SMCHD1: variants seen among roughly 807,000 people sequenced by gnomAD.
SMCHD1 encodes structural maintenance of chromosomes flexible hinge domain containing 1, also known as structural maintenance of chromosomes flexible hinge domain-containing protein 1.
SMCHD1 carries 78 observed loss-of-function variants against 254.7 expected under a neutral mutation model. The observed-to-expected ratio is 0.31, with a 90% CI of 0.26 to 0.37. The LOEUF (loss-of-function observed/expected upper bound fraction) is 0.37, where lower values mean the gene tolerates loss of function less well. Among genes scored for constraint, SMCHD1 ranks in the 10% least tolerant of loss-of-function variants. The pLI is 1.00. For synonymous variants in SMCHD1, 766 were observed against 794.9 expected, an observed-to-expected ratio of 0.96 and a Z score of 0.61; for missense variants, 1,840 against 2,408.1, an observed-to-expected ratio of 0.76 and a Z score of 4.94.
At position 2,656,248 on chromosome 18, in the gene SMCHD1, C is replaced by T; in HGVS notation, c.173C>T (p.Ala58Val). 1 of 1,501,676 alleles carries T rather than the reference C, an allele frequency of 6.7e-7. No individual in the cohort carries two copies. The highest frequency in any genetic ancestry group is 8.8e-7 in the Non-Finnish European group (1 of 1,135,326). 93.0% of individuals were successfully genotyped at this position (1,501,676 alleles called of 1,614,324 possible). A position where few individuals can be genotyped will look rare whatever the true frequency, so the allele number is the denominator to read the frequency against. ...GERSDYAGFR[A>V]CVCQTLGISP... ...CGCTCGGACTACGCGGGATTTCGCGCGTGTGTGTGTCAGGTACGCGAAGGG... is the reference window on the plus strand; with the variant it reads ...CGCTCGGACTACGCGGGATTTCGCGTGTGTGTGTGTCAGGTACGCGAAGGG... The change falls in exon 1 of 48, where the codon GCG (alanine) becomes GTG (valine). Residue 58 changes from alanine to valine, a missense_variant. This residue lies in a region of SMCHD1 where 115 missense variants were observed against 99.1 expected (regional missense o/e 1.16). Transcript: ENST00000320876.
chr18:2,765,530 A>G (rs2075851599), intron 37 of SMCHD1, among the ~76,000 whole-genome samples: 1 of 152,224 alleles, frequency 6.6e-6, no homozygotes, highest in Admixed American at 6.5e-5. Flanking sequence ...CCAGTACAGC[A>G]TTTTCATTGT....
At chr18:2,723,787 C>T (rs1273579869) in intron 20 of SMCHD1, among the ~76,000 whole-genome samples, 1 of 152,176 alleles carries the variant, frequency 6.6e-6, no homozygotes, top group Non-Finnish European at 1.5e-5. Flanking sequence ...ATCTGGAGAT[C>T]TGAGATCTAA....
intron 26 of SMCHD1, among the ~76,000 whole-genome samples, chr18:2,739,223 C>T (rs887687191): frequency 2.6e-5 from 4 of 152,248 alleles, no homozygotes; most frequent in South Asian, 4.2e-4. Context: ...AGTTTTTGGT[C>T]CATATTCTCT....
At position 2,777,790 on chromosome 18, in the gene SMCHD1, A is replaced by C. The variant is rs1282555574; in HGVS notation, c.5367-16A>C. ...TCATGTGCTTTAATATCTTTTTAAA[A>C]TTTCTTTTTATTTAGATCTCTACCT... On this transcript the variant is annotated splice_polypyrimidine_tract_variant and intron_variant, in intron 42 of 47. Transcript: ENST00000320876. The C allele has an allele frequency of 7.2e-7, 1 of 1,388,870 alleles. No homozygotes were observed. The highest frequency in any genetic ancestry group is 9.8e-7 in the Non-Finnish European group (1 of 1,024,816). The allele number at this position is 1,388,870 out of a possible 1,614,324, so 86.0% of individuals were successfully genotyped here. A position where few individuals can be genotyped will look rare whatever the true frequency, so the allele number is the denominator to read the frequency against.
rs115082677 is a variant in SMCHD1, at chr18:2,774,913, A to C, written c.5176-821A>C. Among the ~76,000 whole-genome samples the C allele has an allele frequency of 4.2e-3, 645 of 152,324 alleles. 5 individuals are homozygous for C. Among genetic ancestry groups the C allele is most frequent in the African/African-American group, 0.015 (622 of 41,566 alleles). On this transcript the variant is annotated intron_variant, in intron 41 of 47. Coordinates refer to ENST00000320876, the MANE Select transcript of SMCHD1 (RefSeq NM_015295.3). ...TTGGGTGTTCACGCACATGCGTGAG[A>C]TATGCCACCCTTGAACCTTGTTACA...
Position 2,707,816 on chromosome 18 carries a change from G to A in SMCHD1, c.2156G>A (p.Arg719Lys). 6.2e-7 allele frequency: 1 copy of A among 1,603,146 alleles called. No individual in the cohort carries two copies. Among genetic ancestry groups the A allele is most frequent in the Non-Finnish European group, 8.5e-7 (1 of 1,175,480 alleles). The change falls in exon 17 of 48, where the codon AGA becomes AAA. Residue 719 changes from arginine to lysine, a missense_variant. Arg to Lys is a conservative substitution (Grantham distance 26). Transcript: ENST00000320876. ...AATTTTTGACTCATAGGTGCGTTAAGAATTGAAATACTGAATAAAAAAGGG... is the reference window on the plus strand; with the variant it reads ...AATTTTTGACTCATAGGTGCGTTAAAAATTGAAATACTGAATAAAAAAGGG... ...RPAGTPIGAL[R>K]IEILNKKGEA...
At position 2,712,025 on chromosome 18, in the gene SMCHD1, T is replaced by G. The variant is rs1425541034; in HGVS notation, c.2260+4105T>G. On this transcript the variant is annotated intron_variant, in intron 17 of 47. Transcript: ENST00000320876. ...GAAGCAGCCTGAGGCTTTCACCAGATGCCCAGTCTTCCAGCCAGCAGAACT... is the reference window on the plus strand; with the variant it reads ...GAAGCAGCCTGAGGCTTTCACCAGAGGCCCAGTCTTCCAGCCAGCAGAACT... 2.0e-5 allele frequency among the ~76,000 whole-genome samples: 3 copies of G among 152,190 alleles called. No individual in the cohort carries two copies. In the East Asian group the frequency reaches 5.8e-4, roughly 29 times the overall value.
At chr18:2,671,788 C>T (rs368968826) in intron 3 of SMCHD1, among the ~76,000 whole-genome samples, 3 of 151,778 alleles carry the variant, frequency 2.0e-5, no homozygotes, top group East Asian at 1.9e-4. Context: ...TTAGTAGAGA[C>T]GGGGTTTCAC....
chr18:2,711,481 C>CTT (rs752950626), intron 17 of SMCHD1, among the ~76,000 whole-genome samples: 26,914 of 112,380 alleles, frequency 0.24, 4,315 homozygotes, highest in South Asian at 0.31. Context: ...GGATGTTTGT[C>CTT]TTTTTTTTTT....
intron 29 of SMCHD1, among the ~76,000 whole-genome samples, chr18:2,746,680 G>C (rs1213669865): frequency 6.6e-6 from 1 of 152,318 alleles, no homozygotes; most frequent in East Asian, 1.9e-4. Context: ...CCTCAGTTAA[G>C]AGTAGGGGGT....
chr18:2,687,178 A>G (rs2074071140), intron 5 of SMCHD1, among the ~76,000 whole-genome samples: 1 of 152,206 alleles, frequency 6.6e-6, no homozygotes, highest in African/African-American at 2.4e-5. Flanking sequence ...ATTCAACAAT[A>G]TGCACACACC....
At chr18:2,684,849 C>T (rs533351896) in intron 5 of SMCHD1, among the ~76,000 whole-genome samples, 3 of 151,984 alleles carry the variant, frequency 2.0e-5, no homozygotes, top group East Asian at 3.9e-4. Context: ...AATACTAAAC[C>T]ACTTCGCATA....
Position 2,703,905 on chromosome 18 carries a change from C to A in SMCHD1, c.1842+19C>A. On this transcript the variant is annotated intron_variant, in intron 13 of 47. Transcript: ENST00000320876. ...ACAGCTGGTAGGTTTAACTTATTGT[C>A]ACTTTTTTCTTATAATTTTTAATTT... 2.0e-6 allele frequency: 3 copies of A among 1,505,228 alleles called. No homozygotes were observed. In the South Asian group the frequency reaches 4.0e-5, roughly 20 times the overall value. 93.2% of individuals were successfully genotyped at this position (1,505,228 alleles called of 1,614,324 possible). A position where few individuals can be genotyped will look rare whatever the true frequency, so the allele number is the denominator to read the frequency against.
At chr18:2,762,492 CTTTTT>C (rs10708453) in intron 36 of SMCHD1, among the ~76,000 whole-genome samples, 3 of 126,836 alleles carry the variant, frequency 2.4e-5, no homozygotes, top group African/African-American at 2.9e-5. Context: ...ATCTGCCTAC[CTTTTT>C]TTTTTTTTTT....
chr18:2,802,660 G>T lies in SMCHD1; in HGVS notation c.*108G>T. On this transcript the variant is annotated 3_prime_UTR_variant, in exon 48 of 48. Coordinates refer to ENST00000320876, the MANE Select transcript of SMCHD1 (RefSeq NM_015295.3). The stretch of plus-strand genomic sequence containing the variant: ...ACTTACCAGACTGAGTATTTCTGGG[G>T]ACAATACAAGTACCTGGGCATGAAT... The T allele has an allele frequency of 1.0e-6, 1 of 975,944 alleles. No homozygotes were observed. Among genetic ancestry groups the T allele is most frequent in the South Asian group, 1.8e-5 (1 of 54,594 alleles). 60.5% of individuals were successfully genotyped at this position (975,944 alleles called of 1,614,324 possible).
In SMCHD1 at chr18:2,755,053, ATAAT is replaced by A. The variant is rs376060384; in HGVS notation, c.4346+2515_4346+2518del. Among the ~76,000 whole-genome samples, 790 of 152,094 alleles carry A rather than the reference ATAAT, an allele frequency of 5.2e-3. 8 individuals are homozygous for A. The highest frequency in any genetic ancestry group is 0.015 in the South Asian group (71 of 4,804). ...TAAACTCCTTCATTTCTTATTTTAA[ATAAT>A]TAATTAATTAATTTAGAGACAGGGT... On this transcript the variant is annotated intron_variant, in intron 34 of 47. Coordinates refer to ENST00000320876, the MANE Select transcript of SMCHD1 (RefSeq NM_015295.3).
At chr18:2,694,784 C>T (rs1450577114) in intron 8 of SMCHD1, 91 bp downstream of exon 8, 5 of 1,095,200 alleles carry the variant, frequency 4.6e-6, no homozygotes, top group Middle Eastern at 2.9e-4. Context: ...CTTTGGTATC[C>T]GTTTTGCTCC....
Position 2,750,122 on chromosome 18 carries a change from G to A in SMCHD1, c.4007G>A (p.Arg1336Lys). The change falls in exon 31 of 48, where the codon AGG (arginine) becomes AAG (lysine). Residue 1336 changes from arginine to lysine, a missense_variant and splice_region_variant. Arg to Lys is a conservative substitution (Grantham distance 26). Around this residue, in one of 9 missense-constraint regions of SMCHD1, gnomAD observed 881 missense variants for 1,009.5 expected, o/e 0.87. Transcript: ENST00000320876. ...NLGVFSVFAP[R>K]GEHTLQVKAI... Reference sequence around the variant, plus strand: ...GGAGTATTCAGTGTTTTTGCCCCTAGGTAAGAACCAAAAGTTTGATAGTTG... The same window carrying A: ...GGAGTATTCAGTGTTTTTGCCCCTAAGTAAGAACCAAAAGTTTGATAGTTG... The A allele has an allele frequency of 6.3e-7, 1 of 1,576,238 alleles. No homozygotes were observed. The highest frequency in any genetic ancestry group is 8.6e-7 in the Non-Finnish European group (1 of 1,159,288).
rs373980191 is a variant in SMCHD1, at chr18:2,743,937, C to T, written c.3801+9C>T. 7.0e-6 allele frequency: 11 copies of T among 1,579,966 alleles called. No individual in the cohort carries two copies. In the African/African-American group the frequency reaches 1.2e-4, roughly 18 times the overall value. On this transcript the variant is annotated intron_variant, in intron 29 of 47. Coordinates refer to ENST00000320876, the MANE Select transcript of SMCHD1 (RefSeq NM_015295.3). The stretch of plus-strand genomic sequence containing the variant: ...GGCCAGAACTAAAGGAGGTAAGTCA[C>T]TTCATGTCTTCACTGAAAGAATTTA...
Sources: allele counts gnomAD v4.1 joint callset (sites outside exome capture counted in the v4.1 genomes callset), GRCh38; gene constraint gnomAD v4.1.1; regional missense constraint gnomAD v4.1.1; transcripts MANE v1.5; gene names NCBI Gene and HGNC (gene_info 2026-07-23, HGNC 2026-07-21).